Variants in PANK3 observed in about 807,000 individuals in gnomAD.
PANK3 encodes pantothenate kinase 3.
PANK3 carries 20 observed loss-of-function variants against 39.4 expected under a neutral mutation model. That is an observed-to-expected ratio of 0.51 (90% CI 0.36 to 0.74). The LOEUF is 0.74. PANK3 is among the 30% of genes least tolerant of loss of function. The pLI is 0.00. For synonymous variants in PANK3, 140 were observed against 157.3 expected (o/e 0.89, Z 0.82); for missense variants, 265 against 437.0 (o/e 0.61, Z 3.51).
At chr5:168,560,295 T>G (rs11745534) in intron 5 of PANK3, among the ~76,000 whole-genome samples, 20,054 of 152,200 alleles carry the variant, frequency 0.13, 1,768 homozygotes, top group Non-Finnish European at 0.19. Flanking sequence ...ATTTGTTCTC[T>G]CTGCTGGAAG....
chr5:168,567,806 G>A (rs1759560959), intron 2 of PANK3, among the ~76,000 whole-genome samples: 2 of 152,126 alleles, frequency 1.3e-5, no homozygotes, highest in East Asian at 3.9e-4. Context: ...TTTTTGTAGA[G>A]ACGGGGTCCC....
chr5:168,569,919 G>C (rs1449544683), intron 1 of PANK3, among the ~76,000 whole-genome samples: 39 of 152,098 alleles, frequency 2.6e-4, no homozygotes, highest in Non-Finnish European at 8.8e-5. Context: ...GGGCGTGGCA[G>C]CATGCACCTG....
chr5:168,558,385 T>C (rs977208784), intron 6 of PANK3, among the ~76,000 whole-genome samples: 7 of 152,020 alleles, frequency 4.6e-5, no homozygotes, highest in Middle Eastern at 3.2e-3. Context: ...AGGATGGTCT[T>C]GATCTCCTGA....
rs962211489 is a variant in PANK3 at position 168,559,145 on chromosome 5, C to T, written c.949G>A (p.Val317Ile). The T allele has an allele frequency of 3.2e-6, 5 of 1,539,610 alleles. No individual in the cohort carries two copies. The highest frequency in any genetic ancestry group is 3.5e-6 in the Non-Finnish European group (4 of 1,132,344). Residue 317 changes from valine (V) to isoleucine (I), a missense_variant, in exon 6 of 7, where the codon GTT becomes ATT. Val to Ile is a conservative substitution (Grantham distance 29). Transcript: ENST00000239231. ...CGTAAAAAGTTTCCAACAAAGACAA[C>T]TCTGTTTATTTTCTAAAAGAAAAGA... is the stretch of plus-strand genomic sequence containing the variant. ...MCAVNEKINR[V>I]VFVGNFLRVN...
intron 6 of PANK3, among the ~76,000 whole-genome samples, chr5:168,558,453 C>T (rs139039021): frequency 3.3e-5 from 5 of 152,118 alleles, no homozygotes; most frequent in East Asian, 3.9e-4. Flanking sequence ...CATGAGCCAC[C>T]GCACCCGGCC....
At position 168,557,451 on chromosome 5, in the gene PANK3, T is replaced by C; in HGVS notation, c.*120A>G. 3.6e-6 allele frequency: 3 copies of C among 834,250 alleles called. No individual in the cohort carries two copies. Among genetic ancestry groups the C allele is most frequent in the Non-Finnish European group, 5.8e-6 (3 of 520,408 alleles). 51.7% of individuals were successfully genotyped at this position (834,250 alleles called of 1,614,324 possible). On this transcript the variant is annotated 3_prime_UTR_variant, in exon 7 of 7. Transcript: ENST00000239231. ...GTTCTCTCCTTTAATATGGCAACAT[T>C]CAGCAGCTTATGCTACTCTTTTATC...
chr5:168,559,390 C>T (rs1474950536), intron 5 of PANK3, among the ~76,000 whole-genome samples: 5 of 151,998 alleles, frequency 3.3e-5, no homozygotes, highest in Admixed American at 3.3e-4. Flanking sequence ...AGAGAGAACC[C>T]TAAATTATGG....
chr5:168,557,599 G>A lies in PANK3; in HGVS notation c.1085C>T (p.Ala362Val). ...GCTGAAATTTGGCAGCCCAAGAAGT[G>A]CACCAACTGCTCCAAAGTAACCCTG... The part of the protein sequence containing the change: ...EHEGYFGAVG[A>V]LLGLPNFS Residue 362 changes from alanine to valine, a missense_variant, in exon 7 of 7, where the codon GCA becomes GTA. By Grantham distance (64) the Ala-to-Val change is moderately conservative. Around this residue, in one of 3 missense-constraint regions of PANK3, gnomAD observed 110 missense variants for 161.2 expected, o/e 0.68. Transcript: ENST00000239231. 1.2e-6 allele frequency: 2 copies of A among 1,613,892 alleles called. No homozygotes were observed. Among genetic ancestry groups the A allele is most frequent in the Non-Finnish European group, 1.7e-6 (2 of 1,179,874 alleles).
chr5:168,573,457 A>C (rs1252408194), intron 1 of PANK3, among the ~76,000 whole-genome samples: 1 of 144,278 alleles, frequency 6.9e-6, no homozygotes, highest in African/African-American at 2.5e-5. Context: ...GGCACAAAGA[A>C]GGCAGCACAA....
intron 6 of PANK3, 33 bp from the exon 7 acceptor site, chr5:168,557,654 C>T: frequency 6.4e-7 from 1 of 1,571,028 alleles, no homozygotes. Context: ...TTATGTAGTA[C>T]AGCTTTTAAG....
intron 1 of PANK3, among the ~76,000 whole-genome samples, chr5:168,573,004 G>A (rs964904041): frequency 3.9e-5 from 6 of 151,958 alleles, no homozygotes; most frequent in South Asian, 2.1e-4. Flanking sequence ...GCCTGGATAC[G>A]GTTTTGGATG....
At chr5:168,563,801 C>A (rs535224113) in intron 4 of PANK3, 88 bp downstream of exon 4, 2 of 1,242,370 alleles carry the variant, frequency 1.6e-6, no homozygotes, top group African/African-American at 3.1e-5. Flanking sequence ...AGCACCCTTA[C>A]AACTTTCTGT....
intron 4 of PANK3, among the ~76,000 whole-genome samples, chr5:168,563,638 G>A (rs1481827189): frequency 6.6e-6 from 1 of 150,558 alleles, no homozygotes; most frequent in African/African-American, 2.5e-5. Flanking sequence ...GTAAAAATAT[G>A]TATTTGTATT....
At chr5:168,560,563 C>T (rs1759431051) in intron 5 of PANK3, among the ~76,000 whole-genome samples, 1 of 152,088 alleles carries the variant, frequency 6.6e-6, no homozygotes, top group South Asian at 2.1e-4. Flanking sequence ...TCCACAAAGC[C>T]AGATCTTTGT....
intron 6 of PANK3, among the ~76,000 whole-genome samples, 169 bp from the exon 7 acceptor site, chr5:168,557,790 T>C (rs961703002): frequency 6.6e-6 from 1 of 152,246 alleles, no homozygotes; most frequent in Non-Finnish European, 1.5e-5. Flanking sequence ...ATCTGTATTC[T>C]TGATGTCTAC....
chr5:168,557,954 G>A (rs1200392998), intron 6 of PANK3, among the ~76,000 whole-genome samples: 1 of 152,028 alleles, frequency 6.6e-6, no homozygotes. Context: ...ACTGAAATAC[G>A]TATTCTAAAA....
rs1759275430 is a variant in PANK3, at chr5:168,551,808, T to C, written c.*5763A>G. Reference sequence around the variant, plus strand: ...TCAGAAATTTTTATAGAGTCTAATATTTGGCAAATAATCTGAACCACTTTA... The same window carrying C: ...TCAGAAATTTTTATAGAGTCTAATACTTGGCAAATAATCTGAACCACTTTA... On this transcript the variant is annotated 3_prime_UTR_variant, in exon 7 of 7. Transcript: ENST00000239231. The C allele has an allele frequency of 6.6e-6, 1 of 152,204 alleles. No individual in the cohort carries two copies. The highest frequency in any genetic ancestry group is 1.5e-5 in the Non-Finnish European group (1 of 68,040). The allele number at this position is 152,204 out of a possible 1,614,324, so 9.4% of individuals were successfully genotyped here. A position where few individuals can be genotyped will look rare whatever the true frequency, so the allele number is the denominator to read the frequency against.
chr5:168,573,815 A>G (rs1377202350), intron 1 of PANK3, among the ~76,000 whole-genome samples: 1 of 151,584 alleles, frequency 6.6e-6, no homozygotes, highest in Non-Finnish European at 1.5e-5. Context: ...ATGATTTCCA[A>G]TTTCATCCAT....
chr5:168,574,729 C>T (rs775096448), intron 1 of PANK3, among the ~76,000 whole-genome samples: 15 of 152,162 alleles, frequency 9.9e-5, no homozygotes, highest in South Asian at 2.1e-4. Context: ...GGCTTGGTGG[C>T]GTGTGCCTGT....
Sources: allele counts gnomAD v4.1 joint callset (sites outside exome capture counted in the v4.1 genomes callset), GRCh38; gene constraint gnomAD v4.1.1; regional missense constraint gnomAD v4.1.1; transcripts MANE v1.5; gene names NCBI Gene and HGNC (gene_info 2026-07-23, HGNC 2026-07-21).